The following CHN2 variants were observed in gnomAD, a reference collection of about 807,000 sequenced individuals.
CHN2 encodes chimerin 2.
Under a neutral mutation model 56.3 loss-of-function variants are expected in CHN2, and 35 were observed. The observed-to-expected ratio is 0.62, with a 90% CI of 0.47 to 0.82. The LOEUF is 0.82. Among genes scored for constraint, CHN2 ranks in the 40% least tolerant of loss-of-function variants. The pLI is 0.00. For missense variants in CHN2, 491 were observed against 580.5 expected (o/e 0.85, Z 1.58); for synonymous variants, 210 against 212.8 (o/e 0.99, Z 0.12).
intron 1 of CHN2, among the ~76,000 whole-genome samples, chr7:29,264,294 T>C (rs39102): frequency 0.71 from 108,307 of 151,804 alleles, 38,842 homozygotes; most frequent in East Asian, 0.99. Flanking sequence ...TGCCCGGCCG[T>C]AACCCCGTCT....
At chr7:29,341,918 A>G (rs1797076402) in intron 1 of CHN2, among the ~76,000 whole-genome samples, 1 of 152,234 alleles carries the variant, frequency 6.6e-6, no homozygotes, top group Admixed American at 6.5e-5. Context: ...GCCTTGGGAA[A>G]GTGACTATAA....
Position 29,449,303 on chromosome 7 carries a change from C to T in CHN2, c.577-30976C>T, listed in dbSNP as rs528970111. ...ATGTGTCAGGAAACCTGGTTTGAAG[C>T]GGTAATAATGGAAAGCAAATCTGAA... On this transcript the variant is annotated intron_variant, in intron 6 of 12. Coordinates refer to ENST00000222792, the MANE Select transcript of CHN2 (RefSeq NM_004067.4). 1.3e-3 allele frequency among the ~76,000 whole-genome samples: 193 copies of T among 152,182 alleles called. 1 individual carries two copies. Among genetic ancestry groups the T allele is most frequent in the Non-Finnish European group, 2.3e-3 (159 of 68,018 alleles).
intron 1 of CHN2, among the ~76,000 whole-genome samples, chr7:29,233,825 A>T (rs1358885620): frequency 1.5e-3 from 80 of 53,148 alleles, no homozygotes; most frequent in East Asian, 3.0e-3. Context: ...CAACACCTTG[A>T]TTTTTTTTTT....
intron 6 of CHN2, among the ~76,000 whole-genome samples, chr7:29,405,161 C>CA (rs1554287645): frequency 2.0e-5 from 1 of 49,810 alleles, no homozygotes; most frequent in African/African-American, 6.0e-5. Context: ...GCTTATGTCA[C>CA]CATACACACA....
At chr7:29,398,285 TGC>T in intron 4 of CHN2, 86 bp from the exon 5 acceptor site, 2 of 970,478 alleles carry the variant, frequency 2.1e-6, no homozygotes, top group East Asian at 4.8e-5. Flanking sequence ...CGATTCTGGG[TGC>T]CCCCACCATC....
chr7:29,345,354 G>A (rs192446574), intron 1 of CHN2, among the ~76,000 whole-genome samples: 47 of 152,248 alleles, frequency 3.1e-4, no homozygotes, highest in African/African-American at 4.8e-4. Flanking sequence ...AAAACGTTTC[G>A]GATGGTGAAA....
intron 2 of CHN2, chr7:29,185,373 A>G (rs1340674933): frequency 6.6e-6 from 1 of 152,190 alleles, no homozygotes; most frequent in Non-Finnish European, 1.5e-5. Context: ...AGAAAATGTC[A>G]TGCTAATGTT....
chr7:29,352,926 A>G (rs1797995807), intron 1 of CHN2, among the ~76,000 whole-genome samples: 2 of 152,208 alleles, frequency 1.3e-5, no homozygotes, highest in Admixed American at 6.5e-5. Context: ...AAGGGATGAA[A>G]TTAATTGGTT....
At chr7:29,216,813 C>T (rs10486610) in intron 1 of CHN2, among the ~76,000 whole-genome samples, 20,120 of 152,162 alleles carry the variant, frequency 0.13, 1,697 homozygotes, top group Non-Finnish European at 0.19. Flanking sequence ...GGAAATTAAC[C>T]GGCTATACTT....
chr7:29,451,627 A>G (rs967305321), intron 6 of CHN2, among the ~76,000 whole-genome samples: 6 of 152,154 alleles, frequency 3.9e-5, no homozygotes, highest in African/African-American at 1.4e-4. Flanking sequence ...AAGAAGAGAG[A>G]AATAATTTTA....
chr7:29,361,591 C>A (rs1481887229), intron 2 of CHN2, among the ~76,000 whole-genome samples: 3 of 152,186 alleles, frequency 2.0e-5, no homozygotes, highest in African/African-American at 7.2e-5. Context: ...TTCCCCTTCC[C>A]TCCTCCAAGT....
At chr7:29,436,024 T>A (rs1258838962) in intron 6 of CHN2, among the ~76,000 whole-genome samples, 2 of 152,068 alleles carry the variant, frequency 1.3e-5, no homozygotes, top group African/African-American at 2.4e-5. Context: ...TAGATTTTGC[T>A]TGCCCTAAAG....
intron 1 of CHN2, among the ~76,000 whole-genome samples, chr7:29,244,282 C>G (rs924550749): frequency 6.6e-6 from 1 of 152,144 alleles, no homozygotes; most frequent in Admixed American, 6.5e-5. Flanking sequence ...CCCTGGGTAA[C>G]CCCTCTCATT....
rs375395261 is a variant in CHN2, at chr7:29,400,818, C to T, written c.566C>T (p.Ala189Val). 8 of 1,613,248 alleles carry T rather than the reference C, an allele frequency of 5.0e-6. No homozygotes were observed. Among genetic ancestry groups the T allele is most frequent in the African/African-American group, 4.0e-5 (3 of 74,814 alleles). ...KTNVTHEEHT[A>V]VEKISSLVRR... ...AACGTCACACATGAAGAACACACAGCGGTGGAAAAGGTGAGCTGTGTGTGA... is the reference window on the plus strand; with the variant it reads ...AACGTCACACATGAAGAACACACAGTGGTGGAAAAGGTGAGCTGTGTGTGA... The change falls in exon 6 of 13, where the codon GCG becomes GTG. Residue 189 changes from alanine to valine, a missense_variant. Physicochemically the swap from Ala to Val is moderately conservative, Grantham distance 64. Coordinates refer to ENST00000222792, the MANE Select transcript of CHN2 (RefSeq NM_004067.4).
intron 1 of CHN2, among the ~76,000 whole-genome samples, chr7:29,266,939 C>T (rs1044193126): frequency 8.0e-6 from 1 of 125,240 alleles, no homozygotes; most frequent in Non-Finnish European, 1.7e-5. Flanking sequence ...GTGCAATTGG[C>T]CCTTCTCCCT....
rs149886903 is a variant in CHN2 at position 29,400,648 on chromosome 7, A to T, written c.396A>T (p.Ile132=). 9.3e-6 allele frequency: 15 copies of T among 1,614,102 alleles called. No individual in the cohort carries two copies. Among genetic ancestry groups the T allele is most frequent in the African/African-American group, 1.3e-5 (1 of 74,938 alleles). The part of the protein sequence containing the change: ...SIHDLVTDGL[I]TLYIETKAAE... ...ATGATCTGGTGACAGATGGCTTGAT[A>T]ACACTGTACATAGAAACAAAAGCTG... is the stretch of plus-strand genomic sequence containing the variant. The change falls in exon 6 of 13, where the codon ATA becomes ATT. Residue 132 remains isoleucine (I), a synonymous_variant. Coordinates refer to ENST00000222792, the MANE Select transcript of CHN2 (RefSeq NM_004067.4).
chr7:29,360,679 G>GTCA lies in CHN2; in HGVS notation c.88+6018_88+6020dup, dbSNP rs374694987. ...CGGGAAGACATGAGCAGTGAGCAGG[G>GTCA]TCATACTGGCTCAGCGTCATGGCCA... is the stretch of plus-strand genomic sequence containing the variant. On this transcript the variant is annotated intron_variant, in intron 2 of 12. Transcript: ENST00000222792. Among the ~76,000 whole-genome samples the GTCA allele has an allele frequency of 5.9e-3, 898 of 152,300 alleles. 5 individuals are homozygous for GTCA. The highest frequency in any genetic ancestry group is 0.021 in the African/African-American group (856 of 41,568).
rs141336151 is a variant in CHN2 at position 29,428,098 on chromosome 7, T to G, written c.576+27270T>G. ...AACTCTGGAGCTAGCTAAACTCGTTTACTAGTTGTGTGACTTTGGATATTC... is the reference window on the plus strand; with the variant it reads ...AACTCTGGAGCTAGCTAAACTCGTTGACTAGTTGTGTGACTTTGGATATTC... On this transcript the variant is annotated intron_variant, in intron 6 of 12. Coordinates refer to ENST00000222792, the MANE Select transcript of CHN2 (RefSeq NM_004067.4). Among the ~76,000 whole-genome samples the G allele has an allele frequency of 6.2e-3, 944 of 152,326 alleles. 12 individuals carry two copies. The highest frequency in any genetic ancestry group is 0.021 in the African/African-American group (891 of 41,576).
intron 2 of CHN2, among the ~76,000 whole-genome samples, chr7:29,356,791 C>G (rs979859141): frequency 2.0e-5 from 3 of 152,148 alleles, no homozygotes; most frequent in Admixed American, 2.0e-4. Flanking sequence ...GTGCTAATGA[C>G]TTAGTACTTG....
Sources: allele counts gnomAD v4.1 joint callset (sites outside exome capture counted in the v4.1 genomes callset), GRCh38; gene constraint gnomAD v4.1.1; transcripts MANE v1.5; gene names NCBI Gene and HGNC (gene_info 2026-07-23, HGNC 2026-07-21).